The following MON1B variants were observed in gnomAD, a reference collection of about 807,000 sequenced individuals.
The protein encoded by MON1B is MON1 vesicular trafficking associated B.
MON1B carries 26 observed loss-of-function variants against 45.1 expected under a neutral mutation model. The observed-to-expected ratio is 0.58, with a 90% CI of 0.42 to 0.80. MON1B has a LOEUF of 0.80. MON1B is among the 30% of genes least tolerant of loss of function. The pLI, the probability that MON1B is intolerant of heterozygous loss-of-function variation, is 0.00. For synonymous variants in MON1B, 395 were observed against 320.2 expected (o/e 1.23, Z -2.49); for missense variants, 737 against 754.5 (o/e 0.98, Z 0.27).
At chr16:77,192,718 G>T (rs2054626456) in intron 2 of MON1B, among the ~76,000 whole-genome samples, 1 of 152,064 alleles carries the variant, frequency 6.6e-6, no homozygotes, top group African/African-American at 2.4e-5. Flanking sequence ...AGTAGACATG[G>T]AGTAGAATAA....
chr16:77,197,969 C>G, intron 5 of MON1B, 139 bp from the exon 6 acceptor site: 2 of 819,604 alleles, frequency 2.4e-6, no homozygotes, highest in Non-Finnish European at 4.0e-6. Context: ...AGCCCAGTAT[C>G]TAGGCAGCAC....
chr16:77,195,469 G>T, intron 4 of MON1B, 66 bp from the exon 5 acceptor site: 1 of 1,513,154 alleles, frequency 6.6e-7, no homozygotes, highest in South Asian at 1.3e-5. Context: ...TAGACTGAGG[G>T]AGGAAATGGG....
In MON1B at chr16:77,194,443, CA is replaced by C; in HGVS notation, c.585del (p.Gln196ArgfsTer3). ...QLRGELLAVH[A>X]QIVSTLTRAS... The stretch of plus-strand genomic sequence containing the variant: ...CGGGGGGAGCTGCTAGCTGTGCACG[CA>C]CAGATCGTGAGCACACTTACACGTG... On this transcript the variant is annotated frameshift_variant, in exon 4 of 6. Transcript: ENST00000248248. LOFTEE classifies it high-confidence loss of function. The surrounding 1 kb of genome is among the most constrained non-coding windows in gnomAD (Gnocchi z 8.1). 2 of 1,614,072 alleles carry C rather than the reference CA, an allele frequency of 1.2e-6. No individual in the cohort carries two copies. Among genetic ancestry groups the C allele is most frequent in the Non-Finnish European group, 1.7e-6 (2 of 1,180,020 alleles).
In MON1B at chr16:77,200,622, G is replaced by A. The variant is rs1422926791; in HGVS notation, c.*2314G>A. 1 of 151,940 alleles carries A rather than the reference G, an allele frequency of 6.6e-6. No individual in the cohort carries two copies. Among genetic ancestry groups the A allele is most frequent in the Non-Finnish European group, 1.5e-5 (1 of 68,038 alleles). The allele number at this position is 151,940 out of a possible 1,614,324, so 9.4% of individuals were successfully genotyped here. On this transcript the variant is annotated 3_prime_UTR_variant, in exon 6 of 6. Coordinates refer to ENST00000248248, the MANE Select transcript of MON1B (RefSeq NM_014940.4). ...AATACAAAAATTGTCCGGGTGTGGTGGCGGGCGCCTGTAGTCCCAGCTACT... is the reference window on the plus strand; with the variant it reads ...AATACAAAAATTGTCCGGGTGTGGTAGCGGGCGCCTGTAGTCCCAGCTACT...
At chr16:77,191,670 T>G in intron 2 of MON1B, 37 bp downstream of exon 2, 1 of 1,584,472 alleles carries the variant, frequency 6.3e-7, no homozygotes, top group Non-Finnish European at 8.6e-7. Flanking sequence ...AAAGGAATCC[T>G]TAGGGGTTGT....
In MON1B at chr16:77,194,274, G is replaced by C. The variant is rs766610540; in HGVS notation, c.476-61G>C. On this transcript the variant is annotated intron_variant, in intron 3 of 5. Coordinates refer to ENST00000248248, the MANE Select transcript of MON1B (RefSeq NM_014940.4). This position sits in a 1 kb window ranked among gnomAD's most constrained non-coding sequence, Gnocchi z 8.1. ...TAGGAGAGGGCAGAAGAGCCCCACT[G>C]TCTCCCTCTGGTCATTCCTGATCCA... 2.1e-6 allele frequency: 3 copies of C among 1,444,642 alleles called. No individual in the cohort carries two copies. In the East Asian group the frequency reaches 6.8e-5, roughly 33 times the overall value. 89.5% of individuals were successfully genotyped at this position (1,444,642 alleles called of 1,614,324 possible). A position where few individuals can be genotyped will look rare whatever the true frequency, so the allele number is the denominator to read the frequency against.
Position 77,198,564 on chromosome 16 carries a change from TCTC to T in MON1B, c.*261_*263del. The T allele has an allele frequency of 1.9e-6, 1 of 523,154 alleles. No homozygotes were observed. The allele number at this position is 523,154 out of a possible 1,614,324, so 32.4% of individuals were successfully genotyped here. A position where few individuals can be genotyped will look rare whatever the true frequency, so the allele number is the denominator to read the frequency against. Reference sequence around the variant, plus strand: ...CTCCCTCTCCCTTCCCTCTGTCTCATCTCCTCCACTTGGATGATGCTCTAGCCT... The same window carrying T: ...CTCCCTCTCCCTTCCCTCTGTCTCATCTCCACTTGGATGATGCTCTAGCCT... On this transcript the variant is annotated 3_prime_UTR_variant, in exon 6 of 6. Coordinates refer to ENST00000248248, the MANE Select transcript of MON1B (RefSeq NM_014940.4).
rs1215982497 is a variant in MON1B, at chr16:77,200,210, ATATG to A, written c.*1916_*1919del. On this transcript the variant is annotated 3_prime_UTR_variant, in exon 6 of 6. Coordinates refer to ENST00000248248, the MANE Select transcript of MON1B (RefSeq NM_014940.4). ...TATACATATGTGTGTATGTGTATTT[ATATG>A]TATGTATGTATGTGTGTGTATATAT... 8.4e-5 allele frequency: 12 copies of A among 142,434 alleles called. No homozygotes were observed. The highest frequency in any genetic ancestry group is 4.4e-4 in the South Asian group (2 of 4,544). 8.8% of individuals were successfully genotyped at this position (142,434 alleles called of 1,614,324 possible).
chr16:77,194,501 G>A lies in MON1B; in HGVS notation c.642G>A (p.Gln214=). The change falls in exon 4 of 6, where the codon CAG becomes CAA. Residue 214 remains glutamine (Q), a synonymous_variant. Coordinates refer to ENST00000248248, the MANE Select transcript of MON1B (RefSeq NM_014940.4). The surrounding 1 kb of genome is among the most constrained non-coding windows in gnomAD (Gnocchi z 8.1). ...TCGCCCGCATCTTCGCACACAAGCA[G>A]AACTATGACCTCCGCCGCCTGCTGG... ...ASVARIFAHK[Q]NYDLRRLLAG... 6 of 1,614,084 alleles carry A rather than the reference G, an allele frequency of 3.7e-6. No homozygotes were observed. Among genetic ancestry groups the A allele is most frequent in the Non-Finnish European group, 5.1e-6 (6 of 1,180,022 alleles).
chr16:77,192,431 T>C (rs1351888931), intron 2 of MON1B, among the ~76,000 whole-genome samples: 1 of 152,200 alleles, frequency 6.6e-6, no homozygotes, highest in Non-Finnish European at 1.5e-5. Flanking sequence ...TGGATAATAA[T>C]GGTTGTCATT....
rs1567422040 is a variant in MON1B, at chr16:77,199,238, C to T, written c.*930C>T. 11 of 569,226 alleles carry T rather than the reference C, an allele frequency of 1.9e-5. No individual in the cohort carries two copies. The South Asian group carries it at 2.3e-4, about 12-fold the overall frequency. 35.3% of individuals were successfully genotyped at this position (569,226 alleles called of 1,614,324 possible). A position where few individuals can be genotyped will look rare whatever the true frequency, so the allele number is the denominator to read the frequency against. On this transcript the variant is annotated 3_prime_UTR_variant, in exon 6 of 6. Coordinates refer to ENST00000248248, the MANE Select transcript of MON1B (RefSeq NM_014940.4). The stretch of plus-strand genomic sequence containing the variant: ...CAACTGGCCATTACCCTAGTTCTGC[C>T]CTTGTTTGTGGAGTTACAGCCTCAA...
rs944957128 is a variant in MON1B at position 77,199,814 on chromosome 16, A to G, written c.*1506A>G. 7.2e-6 allele frequency: 2 copies of G among 277,456 alleles called. No individual in the cohort carries two copies. Among genetic ancestry groups the G allele is most frequent in the Non-Finnish European group, 1.3e-5 (2 of 148,876 alleles). The allele number at this position is 277,456 out of a possible 1,614,324, so 17.2% of individuals were successfully genotyped here. The stretch of plus-strand genomic sequence containing the variant: ...AAAGTGGGGCGGTGGGGATGTTCTC[A>G]TAACAATCACCGTGCTGCAGCCACC... On this transcript the variant is annotated 3_prime_UTR_variant, in exon 6 of 6. Transcript: ENST00000248248.
Position 77,198,322 on chromosome 16 carries a change from C to G in MON1B, c.*14C>G. Reference sequence around the variant, plus strand: ...ACTGGACTCTGATAGTTGGAGCTCCCAGACCAGGCAGTGCTGGGAGCAACC... The same window carrying G: ...ACTGGACTCTGATAGTTGGAGCTCCGAGACCAGGCAGTGCTGGGAGCAACC... On this transcript the variant is annotated 3_prime_UTR_variant, in exon 6 of 6. Coordinates refer to ENST00000248248, the MANE Select transcript of MON1B (RefSeq NM_014940.4). The G allele has an allele frequency of 1.9e-6, 3 of 1,611,334 alleles. No individual in the cohort carries two copies. The highest frequency in any genetic ancestry group is 2.5e-6 in the Non-Finnish European group (3 of 1,177,464).
Position 77,200,746 on chromosome 16 carries a change from C to CAAAAAAAAAA in MON1B, c.*2448_*2457dup, listed in dbSNP as rs11344903. The CAAAAAAAAAA allele has an allele frequency of 4.7e-5, 4 of 84,812 alleles. No individual in the cohort carries two copies. Among genetic ancestry groups the CAAAAAAAAAA allele is most frequent in the Non-Finnish European group, 7.0e-5 (3 of 42,836 alleles). 5.3% of individuals were successfully genotyped at this position (84,812 alleles called of 1,614,324 possible). A position where few individuals can be genotyped will look rare whatever the true frequency, so the allele number is the denominator to read the frequency against. On this transcript the variant is annotated 3_prime_UTR_variant, in exon 6 of 6. Coordinates refer to ENST00000248248, the MANE Select transcript of MON1B (RefSeq NM_014940.4). ...ACTCCAGCGCGGAAGACAGAGTGAG[C>CAAAAAAAAAA]AAAAAAAAAAAAAAAAAAAGAAAAA...
intron 5 of MON1B, among the ~76,000 whole-genome samples, chr16:77,196,673 G>T (rs564713283): frequency 1.2e-3 from 189 of 152,312 alleles, no homozygotes; most frequent in African/African-American, 4.4e-3. Flanking sequence ...CTATTCATAA[G>T]GCTGAGGCAG....
chr16:77,198,029 A>G, intron 5 of MON1B, 79 bp from the exon 6 acceptor site: 3 of 1,409,306 alleles, frequency 2.1e-6, no homozygotes, highest in Non-Finnish European at 3.0e-6. Flanking sequence ...GGAGGCAGAC[A>G]TGCAGCTGCA....
In MON1B at chr16:77,199,655, A is replaced by T. The variant is rs894013950; in HGVS notation, c.*1347A>T. ...AGCCTTTTGTTATTGAAGAAAAACA[A>T]TTTTTTAACCGTTCAGCACAGTGGA... On this transcript the variant is annotated 3_prime_UTR_variant, in exon 6 of 6. Transcript: ENST00000248248. 9.9e-6 allele frequency: 7 copies of T among 705,960 alleles called. No individual in the cohort carries two copies. The Admixed American group carries it at 1.5e-4, about 15-fold the overall frequency. 43.7% of individuals were successfully genotyped at this position (705,960 alleles called of 1,614,324 possible).
In MON1B at chr16:77,194,121, C is replaced by G. The variant is rs547196504; in HGVS notation, c.476-214C>G. The G allele has an allele frequency of 7.8e-6, 5 of 637,802 alleles. No homozygotes were observed. The highest frequency in any genetic ancestry group is 1.4e-5 in the Non-Finnish European group (5 of 357,056). The allele number at this position is 637,802 out of a possible 1,614,324, so 39.5% of individuals were successfully genotyped here. A position where few individuals can be genotyped will look rare whatever the true frequency, so the allele number is the denominator to read the frequency against. ...CCTGCCCGTGGTCTTTGCTGTGTATCTAACCTACTTGTTCCTTTGTCCATC... is the reference window on the plus strand; with the variant it reads ...CCTGCCCGTGGTCTTTGCTGTGTATGTAACCTACTTGTTCCTTTGTCCATC... On this transcript the variant is annotated intron_variant, in intron 3 of 5. Coordinates refer to ENST00000248248, the MANE Select transcript of MON1B (RefSeq NM_014940.4). The surrounding 1 kb of genome is among the most constrained non-coding windows in gnomAD (Gnocchi z 8.1).
At position 77,194,844 on chromosome 16, in the gene MON1B, C is replaced by T. The variant is rs1311194131; in HGVS notation, c.985C>T (p.Arg329Cys). The T allele has an allele frequency of 3.7e-6, 6 of 1,610,722 alleles. No individual in the cohort carries two copies. The highest frequency in any genetic ancestry group is 3.3e-5 in the Admixed American group (2 of 60,016). The change falls in exon 4 of 6, where the codon CGC becomes TGC. Residue 329 changes from arginine (R) to cysteine (C), a missense_variant. Transcript: ENST00000248248. The surrounding 1 kb of genome is among the most constrained non-coding windows in gnomAD (Gnocchi z 8.1). ...GGCTTGGGCACCTGTGTGCCTGCCC[C>T]GCTTCAACCCTGATGGTTTTTTCTA... is the stretch of plus-strand genomic sequence containing the variant. ...GEAWAPVCLP[R>C]FNPDGFFYAY...
Sources: allele counts gnomAD v4.1 joint callset (sites outside exome capture counted in the v4.1 genomes callset), GRCh38; gene constraint gnomAD v4.1.1; non-coding constraint Gnocchi (gnomAD v3.1); transcripts MANE v1.5; gene names NCBI Gene and HGNC (gene_info 2026-07-23, HGNC 2026-07-21).